The following MAPK14 variants were observed in gnomAD, a reference collection of about 807,000 sequenced individuals.
MAPK14 encodes mitogen-activated protein kinase 14.
A neutral mutation model predicts 49.6 loss-of-function variants in MAPK14; 16 were observed. That is an observed-to-expected ratio of 0.32 (90% CI 0.22 to 0.49). The LOEUF (loss-of-function observed/expected upper bound fraction) is 0.49. Ranked by LOEUF, MAPK14 falls within the 20% of genes least tolerant of loss-of-function variation. The pLI is 0.99. For missense variants in MAPK14, 200 were observed against 441.2 expected (o/e 0.45, Z 4.90); for synonymous variants, 142 against 158.0 (o/e 0.90, Z 0.76).
chr6:36,032,640 C>T (rs1447842813), intron 1 of MAPK14, among the ~76,000 whole-genome samples: 2 of 152,154 alleles, frequency 1.3e-5, no homozygotes, highest in African/African-American at 4.8e-5. Context: ...GTTTATTCAA[C>T]AGTGTTTATT....
chr6:36,080,294 A>G (rs937500083), intron 8 of MAPK14, among the ~76,000 whole-genome samples: 5 of 152,168 alleles, frequency 3.3e-5, no homozygotes, highest in Admixed American at 1.3e-4. Flanking sequence ...CATGATGTAC[A>G]ATCACTACTA....
intron 10 of MAPK14, among the ~76,000 whole-genome samples, chr6:36,104,274 C>T (rs1286339712): frequency 6.6e-6 from 1 of 152,170 alleles, no homozygotes; most frequent in Non-Finnish European, 1.5e-5. Flanking sequence ...CCCTGGCATG[C>T]TCTCATTGGC....
rs145993568 is a variant in MAPK14 at position 36,087,369 on chromosome 6, A to G, written c.683-8618A>G. Reference sequence around the variant, plus strand: ...CTCTGTTTGCAGGTGACATGATCCTATATCTAGAAAACCTTGTTGTCTCAG... The same window carrying G: ...CTCTGTTTGCAGGTGACATGATCCTGTATCTAGAAAACCTTGTTGTCTCAG... On this transcript the variant is annotated intron_variant, in intron 8 of 11. Transcript: ENST00000229794. Among the ~76,000 whole-genome samples the G allele has an allele frequency of 1.1e-4, 17 of 152,338 alleles. No homozygotes were observed. The East Asian group carries it at 3.1e-3, about 28-fold the overall frequency.
At chr6:36,054,072 T>C (rs1763502184) in intron 2 of MAPK14, among the ~76,000 whole-genome samples, 1 of 151,960 alleles carries the variant, frequency 6.6e-6, no homozygotes, top group African/African-American at 2.4e-5. Context: ...AGTTGAGATA[T>C]GCGGAAAAAG....
the MAPK14 span, among the ~76,000 whole-genome samples, chr6:36,122,336 C>T: frequency 3.4e-4 from 52 of 152,236 alleles, no homozygotes; most frequent in Non-Finnish European, 7.2e-4. Context: ...CCAGGCAGGA[C>T]CTGACTCCAT....
At chr6:36,119,906 G>A in the MAPK14 span, among the ~76,000 whole-genome samples, 19 of 152,268 alleles carry the variant, frequency 1.2e-4, no homozygotes, top group East Asian at 3.9e-4. Context: ...ATCTGGCATC[G>A]TTTACAGATG....
At position 36,069,707 on chromosome 6, in the gene MAPK14, C is replaced by CCTCT. The variant is rs147836715; in HGVS notation, c.306-3149_306-3146dup. Among the ~76,000 whole-genome samples the CCTCT allele has an allele frequency of 1.1e-4, 16 of 148,248 alleles. 1 individual carries two copies. Among genetic ancestry groups the CCTCT allele is most frequent in the Admixed American group, 3.4e-4 (5 of 14,878 alleles). ...AACTGTTCTAATTAAAAGCTCTTTC[C>CCTCT]CTCTCTCTCTCTCTCTCTCTGTTGC... On this transcript the variant is annotated intron_variant, in intron 3 of 11. Coordinates refer to ENST00000229794, the MANE Select transcript of MAPK14 (RefSeq NM_139012.3).
At chr6:36,082,144 T>A (rs955581273) in intron 8 of MAPK14, among the ~76,000 whole-genome samples, 1 of 152,252 alleles carries the variant, frequency 6.6e-6, no homozygotes, top group Non-Finnish European at 1.5e-5. Flanking sequence ...TGATTTTCTA[T>A]GTATAGGGTT....
intron 8 of MAPK14, among the ~76,000 whole-genome samples, chr6:36,081,916 T>C (rs1030714466): frequency 5.3e-5 from 8 of 152,106 alleles, no homozygotes; most frequent in Non-Finnish European, 1.2e-4. Flanking sequence ...TATTTTTTTT[T>C]CAGCAGTGTT....
intron 3 of MAPK14, among the ~76,000 whole-genome samples, chr6:36,068,734 G>GC (rs1274811602): frequency 6.6e-6 from 1 of 152,068 alleles, no homozygotes; most frequent in East Asian, 1.9e-4. Context: ...GAGGAAGAGG[G>GC]CGGGGGCAGT....
intron 3 of MAPK14, among the ~76,000 whole-genome samples, chr6:36,065,507 GGTGTGTGTGTGT>G (rs386358922): frequency 2.0e-4 from 24 of 122,452 alleles, no homozygotes; most frequent in African/African-American, 4.3e-4. Flanking sequence ...GGGCAGAAAA[GGTGTGTGTGTGT>G]GTGTGTGTGT....
At chr6:36,030,333 A>G (rs1762490064) in intron 1 of MAPK14, among the ~76,000 whole-genome samples, 1 of 152,174 alleles carries the variant, frequency 6.6e-6, no homozygotes, top group South Asian at 2.1e-4. Flanking sequence ...AAGTACTTTT[A>G]TTTTATTGAA....
At chr6:36,072,106 G>A (rs1420917888) in intron 3 of MAPK14, among the ~76,000 whole-genome samples, 1 of 152,118 alleles carries the variant, frequency 6.6e-6, no homozygotes, top group Non-Finnish European at 1.5e-5. Context: ...AGGCTAAATT[G>A]GGAGGATCAC....
intron 8 of MAPK14, among the ~76,000 whole-genome samples, chr6:36,088,951 C>T (rs1352963522): frequency 2.6e-5 from 4 of 151,998 alleles, no homozygotes; most frequent in African/African-American, 4.8e-5. Flanking sequence ...ACTTTTACAC[C>T]GTTGGTAGGA....
chr6:36,108,364 C>A lies in MAPK14; in HGVS notation c.1016-16C>A. ...GCCTAAACTCTCACATCTTACTTTT[C>A]CTTCCCAATTTCTAGGCCTGACCTA... On this transcript the variant is annotated splice_polypyrimidine_tract_variant and intron_variant, in intron 11 of 11. Transcript: ENST00000229794. 6.2e-7 allele frequency: 1 copy of A among 1,607,404 alleles called. No individual in the cohort carries two copies. Among genetic ancestry groups the A allele is most frequent in the Non-Finnish European group, 8.5e-7 (1 of 1,173,866 alleles).
chr6:36,074,176 A>T, intron 6 of MAPK14, 80 bp downstream of exon 6: 1 of 1,050,284 alleles, frequency 9.5e-7, no homozygotes, highest in South Asian at 1.4e-5. Context: ...TTTCTTAGGG[A>T]GTAGCTTTGT....
Position 36,108,880 on chromosome 6 carries a change from A to G in MAPK14, c.*433A>G. 5.3e-6 allele frequency: 1 copy of G among 188,378 alleles called. No individual in the cohort carries two copies. The highest frequency in any genetic ancestry group is 1.1e-5 in the Non-Finnish European group (1 of 89,280). The allele number at this position is 188,378 out of a possible 1,614,324, so 11.7% of individuals were successfully genotyped here. A position where few individuals can be genotyped will look rare whatever the true frequency, so the allele number is the denominator to read the frequency against. ...GGGCGTAGACTTGACAACATCCCAC[A>G]GTGGCACGGAGAGAAGGCCCATACC... On this transcript the variant is annotated 3_prime_UTR_variant, in exon 12 of 12. Transcript: ENST00000229794.
intron 1 of MAPK14, among the ~76,000 whole-genome samples, chr6:36,050,410 T>G (rs995372189): frequency 2.6e-5 from 4 of 152,222 alleles, no homozygotes; most frequent in Non-Finnish European, 1.5e-5. Context: ...GCTGCTGGCA[T>G]TCAAAATTTT....
At chr6:36,113,902 C>A (rs1190376046), downstream of MAPK14, among the ~76,000 whole-genome samples, 3 of 152,212 alleles carry the variant, frequency 2.0e-5, no homozygotes, top group Non-Finnish European at 4.4e-5. Flanking sequence ...AGGCCTCTGG[C>A]AAGCAAAGCC....
Sources: allele counts gnomAD v4.1 joint callset (sites outside exome capture counted in the v4.1 genomes callset), GRCh38; gene constraint gnomAD v4.1.1; transcripts MANE v1.5; gene names NCBI Gene and HGNC (gene_info 2026-07-23, HGNC 2026-07-21).